Variants in PDE1A observed in about 807,000 individuals in gnomAD.
PDE1A encodes the protein phosphodiesterase 1A, also known as dual specificity calcium/calmodulin-dependent 3',5'-cyclic nucleotide phosphodiesterase 1A.
In PDE1A, 35 loss-of-function variants were observed where a neutral mutation model predicts 61.7. That is an observed-to-expected ratio of 0.57 (90% confidence interval 0.43 to 0.75). The LOEUF (loss-of-function observed/expected upper bound fraction) is 0.75, where lower values mean the gene tolerates loss of function less well. PDE1A is among the 30% of genes least tolerant of loss of function. The probability of loss-of-function intolerance (pLI) is 0.00; values close to 1 mark genes in which losing one functional copy is unlikely to be tolerated. For missense variants in PDE1A, 597 were observed against 630.6 expected (o/e 0.95, Z 0.57); for synonymous variants, 232 against 213.2 (o/e 1.09, Z -0.77).
intron 1 of PDE1A, among the ~76,000 whole-genome samples, chr2:182,276,123 T>A (rs188998282): frequency 3.7e-4 from 57 of 152,186 alleles, no homozygotes; most frequent in African/African-American, 1.3e-3. Flanking sequence ...CCTTCCTTCC[T>A]TTTTCCATTC....
intron 1 of PDE1A, among the ~76,000 whole-genome samples, chr2:182,349,939 G>GA (rs1698764547): frequency 6.6e-6 from 1 of 151,814 alleles, no homozygotes; most frequent in African/African-American, 2.4e-5. Context: ...CATACATACA[G>GA]AAAATGCACA....
chr2:182,274,633 G>C (rs1046505278), intron 1 of PDE1A, among the ~76,000 whole-genome samples: 1 of 152,088 alleles, frequency 6.6e-6, no homozygotes, highest in Non-Finnish European at 1.5e-5. Context: ...TATTGTGAAG[G>C]TTGTTATATG....
intron 1 of PDE1A, among the ~76,000 whole-genome samples, chr2:182,380,094 G>T (rs1439110788): frequency 6.8e-6 from 1 of 147,760 alleles, no homozygotes; most frequent in African/African-American, 2.5e-5. Context: ...CATCTTAGAA[G>T]ACCCAGCTCC....
At chr2:182,602,785 T>G in the PDE1A span, among the ~76,000 whole-genome samples, 91,034 of 151,912 alleles carry the variant, frequency 0.6, 28,774 homozygotes, top group African/African-American at 0.8. Flanking sequence ...GAAGATAAAT[T>G]GTACAATAGA....
the PDE1A span, among the ~76,000 whole-genome samples, chr2:182,626,463 T>A: frequency 6.6e-6 from 1 of 151,904 alleles, no homozygotes; most frequent in East Asian, 1.9e-4. Context: ...GGCCATTGCT[T>A]TTGAAAATTC....
At chr2:182,568,938 A>T in the PDE1A span, among the ~76,000 whole-genome samples, 92 of 152,130 alleles carry the variant, frequency 6.0e-4, no homozygotes, top group African/African-American at 1.4e-3. Context: ...AAATTGAAAA[A>T]AATAATAATA....
intron 1 of PDE1A, among the ~76,000 whole-genome samples, chr2:182,376,018 G>A (rs879742426): frequency 3.3e-5 from 5 of 152,206 alleles, no homozygotes; most frequent in Non-Finnish European, 7.3e-5. Context: ...TGGGGACCCT[G>A]GGCCCTGCCC....
intron 13 of PDE1A, among the ~76,000 whole-genome samples, chr2:182,147,843 T>C (rs1690575690): frequency 6.6e-6 from 1 of 152,234 alleles, no homozygotes; most frequent in African/African-American, 2.4e-5. Context: ...AATAGTCATA[T>C]ACAATGAAAG....
the PDE1A span, among the ~76,000 whole-genome samples, chr2:182,573,168 T>C: frequency 6.6e-6 from 1 of 152,180 alleles, no homozygotes; most frequent in Non-Finnish European, 1.5e-5. Flanking sequence ...CAATGTAGTT[T>C]ATGACTACAT....
the PDE1A span, among the ~76,000 whole-genome samples, chr2:182,685,909 T>A: frequency 6.6e-6 from 1 of 152,220 alleles, no homozygotes; most frequent in Non-Finnish European, 1.5e-5. Flanking sequence ...TAATATGCAT[T>A]TTAATAAGAC....
chr2:182,280,828 T>C (rs538818109), intron 1 of PDE1A, among the ~76,000 whole-genome samples: 12 of 151,718 alleles, frequency 7.9e-5, no homozygotes, highest in African/African-American at 2.4e-4. Context: ...TAAGATTTTA[T>C]TTTTTTTGCT....
At chr2:182,648,460 C>T in the PDE1A span, among the ~76,000 whole-genome samples, 7 of 143,048 alleles carry the variant, frequency 4.9e-5, no homozygotes, top group Admixed American at 3.7e-4. Context: ...CCCTTGTGGC[C>T]AGGAGTTTGA....
chr2:182,657,862 T>C, the PDE1A span, among the ~76,000 whole-genome samples: 1 of 151,972 alleles, frequency 6.6e-6, no homozygotes, highest in African/African-American at 2.4e-5. Flanking sequence ...TGTGTTATAA[T>C]GGCTTCTGTA....
intron 13 of PDE1A, among the ~76,000 whole-genome samples, chr2:182,168,653 C>A (rs1039846746): frequency 6.6e-6 from 1 of 151,976 alleles, no homozygotes. Flanking sequence ...ATCTTGAAAC[C>A]TATTAATATT....
the PDE1A span, among the ~76,000 whole-genome samples, chr2:182,625,937 GA>G: frequency 6.6e-6 from 1 of 152,138 alleles, no homozygotes. Context: ...CAGGGAATTA[GA>G]AAGATTTACA....
At chr2:182,533,033 G>C in the PDE1A span, among the ~76,000 whole-genome samples, 90 of 144,186 alleles carry the variant, frequency 6.2e-4, no homozygotes, top group Non-Finnish European at 1.2e-3. Flanking sequence ...GCAAAGAAGA[G>C]GCCAGGCGCG....
At chr2:182,374,996 T>C (rs1362556161) in intron 1 of PDE1A, among the ~76,000 whole-genome samples, 1 of 152,048 alleles carries the variant, frequency 6.6e-6, no homozygotes, top group Non-Finnish European at 1.5e-5. Context: ...AACCAACAGA[T>C]CTCGTGAGAC....
At chr2:182,608,132 A>T in the PDE1A span, among the ~76,000 whole-genome samples, 1 of 152,096 alleles carries the variant, frequency 6.6e-6, no homozygotes, top group East Asian at 1.9e-4. Flanking sequence ...TTCTCCCCTG[A>T]GGCTAGCCTA....
intron 1 of PDE1A, among the ~76,000 whole-genome samples, chr2:182,398,931 AG>A (rs1332131981): frequency 6.6e-6 from 1 of 152,028 alleles, no homozygotes; most frequent in East Asian, 1.9e-4. Flanking sequence ...TTACCTATGT[AG>A]TTCTTGGTAA....
Sources: gnomAD v4.1 joint callset for allele counts (sites outside exome capture counted in the v4.1 genomes callset) on GRCh38, gnomAD v4.1.1 for gene constraint, MANE v1.5 for transcripts, NCBI Gene and HGNC (gene_info 2026-07-23, HGNC 2026-07-21) for gene names.